Variants in LRP2BP observed in about 807,000 individuals in gnomAD.
LRP2BP encodes LRP2 binding protein.
In LRP2BP, 38 loss-of-function variants were observed where a neutral mutation model predicts 45.2. That is an observed-to-expected ratio of 0.84 (90% CI 0.65 to 1.10). The LOEUF is 1.10. Among genes scored for constraint, LRP2BP ranks in the 50% least tolerant of loss-of-function variants. The probability of loss-of-function intolerance (pLI) is 0.00; values close to 1 mark genes in which losing one functional copy is unlikely to be tolerated. For synonymous variants in LRP2BP, 153 were observed against 153.9 expected (o/e 0.99, Z 0.04); for missense variants, 385 against 418.9 (o/e 0.92, Z 0.71).
chr4:185,372,164 C>T (rs985099699), intron 7 of LRP2BP, among the ~76,000 whole-genome samples: 3 of 152,044 alleles, frequency 2.0e-5, no homozygotes, highest in Non-Finnish European at 4.4e-5. Context: ...ACTGCATGAC[C>T]GAGGAGTGCA....
upstream of LRP2BP, chr4:185,396,853 C>G (rs2095504751): frequency 3.3e-6 from 5 of 1,527,624 alleles, no homozygotes; most frequent in East Asian, 2.2e-5. Context: ...GCATTCTTAC[C>G]TGTCGGGGTG....
upstream of LRP2BP, chr4:185,395,975 T>C (rs1450728104): frequency 2.1e-6 from 2 of 930,948 alleles, no homozygotes; most frequent in Middle Eastern, 5.5e-4. Flanking sequence ...GGTCATGTTC[T>C]ACAAAAAGCA....
At chr4:185,390,593 A>AACTG (rs2095485822) in intron 1 of LRP2BP, 1 of 152,116 alleles carries the variant, frequency 6.6e-6, no homozygotes, top group Non-Finnish European at 1.5e-5. Flanking sequence ...GGTGTAGAAA[A>AACTG]ACTGACTCTT....
chr4:185,370,596 G>A, intron 8 of LRP2BP, 44 bp downstream of exon 8: 1 of 1,589,776 alleles, frequency 6.3e-7, no homozygotes, highest in East Asian at 2.2e-5. Context: ...TAAAAGCCTG[G>A]CAGTTTCTCT....
Position 185,395,557 on chromosome 4 carries a change from TTAAA to T in LRP2BP, c.-804_-801del, listed in dbSNP as rs143804057. On this transcript the variant is annotated 5_prime_UTR_variant, in exon 1 of 9. An upstream open reading frame in the 5' UTR loses its in-frame stop. Transcript: ENST00000505916. ...ATCATTAAAAGATATTGTGAATAGTTTAAATATTAAAAATGTGGAATATAAGAAC... is the reference window on the plus strand; with the variant it reads ...ATCATTAAAAGATATTGTGAATAGTTTATTAAAAATGTGGAATATAAGAAC... The T allele has an allele frequency of 0.034, 33,326 of 982,434 alleles. 586 individuals carry two copies. The highest frequency in any genetic ancestry group is 0.07 in the Middle Eastern group (133 of 1,908). The allele number at this position is 982,434 out of a possible 1,614,324, so 60.9% of individuals were successfully genotyped here.
intron 1 of LRP2BP, chr4:185,378,860 T>C: frequency 1.0e-6 from 1 of 985,438 alleles, no homozygotes; most frequent in Non-Finnish European, 1.2e-6. Flanking sequence ...ATTTACTCCT[T>C]GGCATTCCAC....
chr4:185,374,945 C>T (rs189844927), intron 4 of LRP2BP, among the ~76,000 whole-genome samples: 1 of 152,138 alleles, frequency 6.6e-6, no homozygotes, highest in Admixed American at 6.5e-5. Flanking sequence ...ATCTAATATA[C>T]AAATCTTATG....
chr4:185,397,246 G>A (rs1580034095), upstream of LRP2BP: 7 of 1,614,120 alleles, frequency 4.3e-6, 1 homozygote, highest in East Asian at 2.2e-5. Context: ...CGCAGGAAGC[G>A]GCCTTGCTTG....
Position 185,395,372 on chromosome 4 carries a change from G to A in LRP2BP, c.-615C>T. The A allele has an allele frequency of 2.0e-6, 2 of 985,274 alleles. No individual in the cohort carries two copies. The highest frequency in any genetic ancestry group is 9.4e-5 in the South Asian group (2 of 21,258). The allele number at this position is 985,274 out of a possible 1,614,324, so 61.0% of individuals were successfully genotyped here. ...GTGTCTGATACCCTTTATTAGTTAG[G>A]AATTCCTGAAAATGAACTTCTGTGC... is the stretch of plus-strand genomic sequence containing the variant. On this transcript the variant is annotated 5_prime_UTR_variant, in exon 1 of 9. Transcript: ENST00000505916.
At position 185,395,193 on chromosome 4, in the gene LRP2BP, T is replaced by G; in HGVS notation, c.-436A>C. ...ATTTCCTTTCCTTATGAAATTTACGTATGTAACAGGAAGTTAAAAAATAAC... is the reference window on the plus strand; with the variant it reads ...ATTTCCTTTCCTTATGAAATTTACGGATGTAACAGGAAGTTAAAAAATAAC... On this transcript the variant is annotated 5_prime_UTR_variant, in exon 1 of 9. Transcript: ENST00000505916. 1 of 985,350 alleles carries G rather than the reference T, an allele frequency of 1.0e-6. No homozygotes were observed. Among genetic ancestry groups the G allele is most frequent in the Non-Finnish European group, 1.2e-6 (1 of 829,860 alleles). The allele number at this position is 985,350 out of a possible 1,614,324, so 61.0% of individuals were successfully genotyped here.
chr4:185,367,989 C>A (rs1272669704), intron 8 of LRP2BP, among the ~76,000 whole-genome samples: 1 of 152,130 alleles, frequency 6.6e-6, no homozygotes, highest in Non-Finnish European at 1.5e-5. Flanking sequence ...ACCATCCCGG[C>A]TAACACAGTG....
rs2095435612 is a variant in LRP2BP at position 185,375,835 on chromosome 4, G to A, written c.217-109C>T. On this transcript the variant is annotated intron_variant, in intron 3 of 8. Coordinates refer to ENST00000505916, the MANE Select transcript of LRP2BP (RefSeq NM_001377440.1). ...CCCAAGTTAAACACACAGTTAACAA[G>A]CAATGCAGCCATATCTGAACCCATG... 8.8e-6 allele frequency: 5 copies of A among 568,460 alleles called. No individual in the cohort carries two copies. The South Asian group carries it at 9.7e-5, about 11-fold the overall frequency. The allele number at this position is 568,460 out of a possible 1,614,324, so 35.2% of individuals were successfully genotyped here. A position where few individuals can be genotyped will look rare whatever the true frequency, so the allele number is the denominator to read the frequency against.
chr4:185,374,349 C>T lies in LRP2BP; in HGVS notation c.443G>A (p.Gly148Asp). ...NLGRAYYEGK[G>D]VKRSNEEAER... ...AGCTTCCTCATTTGATCGTTTAACA[C>T]CTTTTCCTTCATAATAAGCTCTTCC... The change falls in exon 5 of 9, where the codon GGT becomes GAT. Residue 148 changes from glycine (G) to aspartate (D), a missense_variant. Physicochemically the swap from Gly to Asp is moderately conservative, Grantham distance 94. Transcript: ENST00000505916. 1 of 1,614,124 alleles carries T rather than the reference C, an allele frequency of 6.2e-7. No individual in the cohort carries two copies. Among genetic ancestry groups the T allele is most frequent in the Non-Finnish European group, 8.5e-7 (1 of 1,180,032 alleles).
intron 1 of LRP2BP, among the ~76,000 whole-genome samples, chr4:185,383,983 T>A (rs2095462964): frequency 1.3e-5 from 2 of 152,222 alleles, no homozygotes. Context: ...TCCTTTGCTG[T>A]AATAACTGTT....
upstream of LRP2BP, chr4:185,396,903 GTCA>G (rs1409899659): frequency 6.2e-7 from 1 of 1,613,008 alleles, no homozygotes; most frequent in African/African-American, 1.3e-5. Flanking sequence ...AAGGACTCTT[GTCA>G]TCTGCCTTAG....
At chr4:185,378,944 T>G (rs1448290706) in intron 1 of LRP2BP, 10 of 985,234 alleles carry the variant, frequency 1.0e-5, no homozygotes, top group East Asian at 1.1e-4. Flanking sequence ...AGAGAAGAAA[T>G]AGAGAGACCC....
chr4:185,392,163 C>G (rs955784419), intron 1 of LRP2BP, among the ~76,000 whole-genome samples: 2 of 152,164 alleles, frequency 1.3e-5, no homozygotes, highest in African/African-American at 4.8e-5. Context: ...GTAATTTCCA[C>G]ATTTCATTGA....
chr4:185,388,908 GCT>G (rs1278938362), intron 1 of LRP2BP, among the ~76,000 whole-genome samples: 1 of 151,880 alleles, frequency 6.6e-6, no homozygotes, highest in Non-Finnish European at 1.5e-5. Flanking sequence ...ACAGAGTCTT[GCT>G]CTGTCGCCAG....
intron 1 of LRP2BP, among the ~76,000 whole-genome samples, chr4:185,384,121 G>A (rs1027452973): frequency 8.5e-5 from 13 of 152,148 alleles, no homozygotes; most frequent in Admixed American, 6.6e-5. Flanking sequence ...AAGAGGTGGA[G>A]CCCTGGGGAG....
Sources: allele counts gnomAD v4.1 joint callset (sites outside exome capture counted in the v4.1 genomes callset), GRCh38; gene constraint gnomAD v4.1.1; transcripts MANE v1.5; gene names NCBI Gene and HGNC (gene_info 2026-07-23, HGNC 2026-07-21).